The following GRM5 variants were observed in gnomAD, a reference collection of about 807,000 sequenced individuals.
GRM5 encodes the protein glutamate metabotropic receptor 5, also known as metabotropic glutamate receptor 5.
In GRM5, 19 loss-of-function variants were observed where a neutral mutation model predicts 83.1. That is an observed-to-expected ratio of 0.23 (90% confidence interval 0.16 to 0.34). The LOEUF (loss-of-function observed/expected upper bound fraction) is 0.34. GRM5 is among the 10% of genes least tolerant of loss of function. The probability of loss-of-function intolerance (pLI) is 1.00; values close to 1 mark genes in which losing one functional copy is unlikely to be tolerated. For synonymous variants in GRM5, 675 were observed against 633.6 expected (o/e 1.07, Z -0.98); for missense variants, 1,160 against 1,588.3 (o/e 0.73, Z 4.58).
At chr11:88,689,715 A>G (rs956612298) in intron 3 of GRM5, among the ~76,000 whole-genome samples, 1 of 152,154 alleles carries the variant, frequency 6.6e-6, no homozygotes, top group Non-Finnish European at 1.5e-5. Flanking sequence ...CTTTAAGGTC[A>G]CGCCTATGCC....
chr11:88,684,136 T>C (rs868832289), intron 3 of GRM5, among the ~76,000 whole-genome samples: 1 of 152,096 alleles, frequency 6.6e-6, no homozygotes, highest in Admixed American at 6.5e-5. Flanking sequence ...GTTCTAAGAA[T>C]AGAAGGAAGA....
chr11:88,825,895 G>C (rs1178166098), intron 3 of GRM5, among the ~76,000 whole-genome samples: 1 of 152,060 alleles, frequency 6.6e-6, no homozygotes, highest in Non-Finnish European at 1.5e-5. Context: ...CACAAGGCAT[G>C]CCCAAACATT....
At chr11:88,579,503 A>C (rs1055478112) in intron 7 of GRM5, among the ~76,000 whole-genome samples, 2 of 152,208 alleles carry the variant, frequency 1.3e-5, no homozygotes, top group Admixed American at 6.5e-5. Context: ...TTGTAGTATT[A>C]AACGGGTTGC....
chr11:89,053,832 C>G (rs1941813768), intron 1 of GRM5, among the ~76,000 whole-genome samples: 1 of 152,100 alleles, frequency 6.6e-6, no homozygotes, highest in South Asian at 2.1e-4. Flanking sequence ...ATGCAGATCT[C>G]TAGAGAAACA....
intron 4 of GRM5, among the ~76,000 whole-genome samples, chr11:88,626,226 A>G (rs1938792486): frequency 6.6e-6 from 1 of 152,234 alleles, no homozygotes; most frequent in Non-Finnish European, 1.5e-5. Context: ...GCCATGGATT[A>G]CATAGCTATA....
At chr11:89,046,829 C>A (rs755541692) in intron 2 of GRM5, among the ~76,000 whole-genome samples, 1 of 151,984 alleles carries the variant, frequency 6.6e-6, no homozygotes, top group African/African-American at 2.4e-5. Context: ...CTATTAGAAA[C>A]AATAGGCACC....
At chr11:88,573,261 T>TC (rs1943042814) in intron 7 of GRM5, among the ~76,000 whole-genome samples, 1 of 152,200 alleles carries the variant, frequency 6.6e-6, no homozygotes, top group Non-Finnish European at 1.5e-5. Flanking sequence ...ACTAATGTGT[T>TC]CCCCATAAGT....
At chr11:88,714,348 G>A (rs1343670592) in intron 3 of GRM5, among the ~76,000 whole-genome samples, 1 of 151,936 alleles carries the variant, frequency 6.6e-6, no homozygotes, top group Admixed American at 6.6e-5. Flanking sequence ...TGTCAGGCAT[G>A]CATAAAGGTG....
In GRM5 at chr11:88,604,372, G is replaced by A. The variant is rs570388700; in HGVS notation, c.1394+346C>T. 1.1e-3 allele frequency among the ~76,000 whole-genome samples: 175 copies of A among 152,254 alleles called. 1 individual carries two copies. In the Middle Eastern group the frequency reaches 0.014, roughly 12 times the overall value. ...TCCTATTTCAGAATAGTTCTATTAT[G>A]CAAGAAAATATCTGAATATGGGGAA... On this transcript the variant is annotated intron_variant, in intron 5 of 9. Coordinates refer to ENST00000305447, the MANE Select transcript of GRM5 (RefSeq NM_001143831.3).
intron 8 of GRM5, among the ~76,000 whole-genome samples, chr11:88,560,117 C>A (rs1942720169): frequency 6.6e-6 from 1 of 152,188 alleles, no homozygotes; most frequent in African/African-American, 2.4e-5. Flanking sequence ...TGGCCAGAAG[C>A]AAGGCTAGCT....
At chr11:88,599,859 A>G (rs1937927936) in intron 5 of GRM5, among the ~76,000 whole-genome samples, 2 of 152,136 alleles carry the variant, frequency 1.3e-5, no homozygotes, top group South Asian at 4.1e-4. Flanking sequence ...TAAAAATAAA[A>G]AAAATTAGCC....
chr11:89,030,258 T>A (rs1015133164), intron 2 of GRM5, among the ~76,000 whole-genome samples: 1 of 152,176 alleles, frequency 6.6e-6, no homozygotes, highest in African/African-American at 2.4e-5. Context: ...GTCTTCAGAA[T>A]GATTGGCCTT....
chr11:88,836,920 T>G (rs1232396185), intron 3 of GRM5, among the ~76,000 whole-genome samples: 1 of 152,204 alleles, frequency 6.6e-6, no homozygotes, highest in African/African-American at 2.4e-5. Flanking sequence ...CAGTTTGCCT[T>G]TGTTTCTCTG....
Position 88,829,289 on chromosome 11 carries a change from T to C in GRM5, c.911+20617A>G, listed in dbSNP as rs1943946311. On this transcript the variant is annotated intron_variant, in intron 3 of 9. Transcript: ENST00000305447. ...CAGCCTGGCCAATGTGGCAAAACCC[T>C]GTCTCTACTAAAAATACAAAATTTG... is the stretch of plus-strand genomic sequence containing the variant. Among the ~76,000 whole-genome samples, 3 of 152,102 alleles carry C rather than the reference T, an allele frequency of 2.0e-5. No homozygotes were observed. In the South Asian group the frequency reaches 6.2e-4, roughly 31 times the overall value.
At chr11:88,704,370 CT>C (rs1282975061) in intron 3 of GRM5, among the ~76,000 whole-genome samples, 1 of 151,992 alleles carries the variant, frequency 6.6e-6, no homozygotes, top group Non-Finnish European at 1.5e-5. Context: ...AAAACCAGAA[CT>C]TACTCTCCAT....
intron 2 of GRM5, among the ~76,000 whole-genome samples, chr11:88,901,224 T>C (rs1453704237): frequency 6.6e-6 from 1 of 152,044 alleles, no homozygotes; most frequent in Non-Finnish European, 1.5e-5. Context: ...AAAATAATGG[T>C]TTGGGGTGGA....
At chr11:88,590,921 C>T (rs541756660) in intron 6 of GRM5, among the ~76,000 whole-genome samples, 194 bp from the exon 7 acceptor site, 35 of 152,112 alleles carry the variant, frequency 2.3e-4, no homozygotes, top group African/African-American at 7.9e-4. Flanking sequence ...ACAAGTCCAG[C>T]GTCATAAAGT....
chr11:88,807,565 C>T (rs1043586481), intron 3 of GRM5, among the ~76,000 whole-genome samples: 1 of 152,054 alleles, frequency 6.6e-6, no homozygotes, highest in African/African-American at 2.4e-5. Context: ...ACTTGGTAAG[C>T]ACTTACTGCT....
intron 3 of GRM5, among the ~76,000 whole-genome samples, chr11:88,804,979 A>C (rs1943474187): frequency 6.6e-6 from 1 of 152,198 alleles, no homozygotes; most frequent in Admixed American, 6.5e-5. Context: ...TAAAAAACTA[A>C]AGAAAGAGAA....
Sources: gnomAD v4.1 joint callset for allele counts (sites outside exome capture counted in the v4.1 genomes callset) on GRCh38, gnomAD v4.1.1 for gene constraint, MANE v1.5 for transcripts, NCBI Gene and HGNC (gene_info 2026-07-23, HGNC 2026-07-21) for gene names.